The following MRE11 variants were observed in gnomAD, a reference collection of about 807,000 sequenced individuals.
MRE11 encodes double-strand break repair protein MRE11.
A neutral mutation model predicts 91.7 loss-of-function variants in MRE11; 62 were observed. The observed-to-expected ratio is 0.68, with a 90% confidence interval of 0.55 to 0.84. The LOEUF (loss-of-function observed/expected upper bound fraction) is 0.84. MRE11 is among the 40% of genes least tolerant of loss of function. The pLI is 0.00. For synonymous variants in MRE11, 273 were observed against 271.4 expected, an observed-to-expected ratio of 1.01 and a Z score of -0.06; for missense variants, 796 against 852.9, an observed-to-expected ratio of 0.93 and a Z score of 0.83.
intron 18 of MRE11, 64 bp downstream of exon 18, chr11:94,435,768 T>C (rs1260676151): frequency 2.9e-6 from 4 of 1,380,568 alleles, no homozygotes; most frequent in African/African-American, 2.9e-5. Context: ...TGTGTAACTT[T>C]GGAATTCTGG....
At chr11:94,489,504 A>G (rs757037552) in intron 3 of MRE11, among the ~76,000 whole-genome samples, 1 of 152,196 alleles carries the variant, frequency 6.6e-6, no homozygotes, top group Non-Finnish European at 1.5e-5. Context: ...TTTGGCTGCT[A>G]TGCTGAGTAG....
At chr11:94,475,610 A>C (rs1318687208) in intron 7 of MRE11, 1 of 455,834 alleles carries the variant, frequency 2.2e-6, no homozygotes, top group Non-Finnish European at 4.4e-6. Flanking sequence ...TTTTCAATCA[A>C]TCCTATACCC....
chr11:94,502,649 CTAAA>C, the MRE11 span, among the ~76,000 whole-genome samples: 1 of 152,002 alleles, frequency 6.6e-6, no homozygotes, highest in Non-Finnish European at 1.5e-5. Context: ...TAGGCTATAA[CTAAA>C]TTTATTTATT....
chr11:94,491,069 T>C, intron 2 of MRE11, 104 bp from the exon 3 acceptor site: 8 of 765,554 alleles, frequency 1.0e-5, no homozygotes. Flanking sequence ...AGTTATAGAG[T>C]AAAATCATTT....
intron 1 of MRE11, among the ~76,000 whole-genome samples, chr11:94,493,244 T>C (rs574466509): frequency 1.2e-3 from 181 of 152,302 alleles, no homozygotes; most frequent in African/African-American, 1.4e-3. Flanking sequence ...GATGTGCAGA[T>C]ATTTTTAAGT....
At chr11:94,453,098 GT>G (rs911132920) in intron 14 of MRE11, among the ~76,000 whole-genome samples, 7 of 149,660 alleles carry the variant, frequency 4.7e-5, no homozygotes, top group African/African-American at 9.8e-5. Context: ...TTTTGCAACT[GT>G]TTTTTTTTCA....
At chr11:94,434,322 T>C (rs1211713305) in intron 18 of MRE11, among the ~76,000 whole-genome samples, 1 of 152,158 alleles carries the variant, frequency 6.6e-6, no homozygotes, top group East Asian at 1.9e-4. Flanking sequence ...GTCAGTATCA[T>C]AAAGAACAAA....
chr11:94,496,974 G>C, upstream of MRE11: 1 of 1,611,434 alleles, frequency 6.2e-7, no homozygotes, highest in Admixed American at 1.7e-5. Context: ...ATTACAGAGG[G>C]AAGTGTGACA....
rs777697338 is a variant in MRE11, at chr11:94,417,764, T to C, written c.*2361A>G. 8.6e-6 allele frequency: 2 copies of C among 233,002 alleles called. No homozygotes were observed. The highest frequency in any genetic ancestry group is 1.7e-5 in the Non-Finnish European group (2 of 117,972). 14.4% of individuals were successfully genotyped at this position (233,002 alleles called of 1,614,324 possible). ...ACTTTTCTGTATTTATTGTATTTCCTACTTTTAAAAGTTTGGGAAAAAAGT... is the reference window on the plus strand; with the variant it reads ...ACTTTTCTGTATTTATTGTATTTCCCACTTTTAAAAGTTTGGGAAAAAAGT... On this transcript the variant is annotated 3_prime_UTR_variant, in exon 20 of 20. Transcript: ENST00000323929.
chr11:94,468,176 C>G (rs1014214732), intron 9 of MRE11, among the ~76,000 whole-genome samples: 1 of 152,170 alleles, frequency 6.6e-6, no homozygotes. Context: ...AGGCTTTCCT[C>G]AGCTTACCAA....
intron 14 of MRE11, among the ~76,000 whole-genome samples, chr11:94,452,225 A>T (rs1328642158): frequency 6.6e-6 from 1 of 151,566 alleles, no homozygotes; most frequent in Non-Finnish European, 1.5e-5. Flanking sequence ...GAGAAAGACC[A>T]ATACCCTACT....
rs1479023184 is a variant in MRE11, at chr11:94,476,428, T to C, written c.545-25A>G. Reference sequence around the variant, plus strand: ...CCTGAAATGGACATTACATTATTTTTAAATTGTTTTCTTACTTCGGCTTAA... The same window carrying C: ...CCTGAAATGGACATTACATTATTTTCAAATTGTTTTCTTACTTCGGCTTAA... On this transcript the variant is annotated intron_variant, in intron 6 of 19. Coordinates refer to ENST00000323929, the MANE Select transcript of MRE11 (RefSeq NM_005591.4). 2.7e-6 allele frequency: 4 copies of C among 1,469,084 alleles called. No individual in the cohort carries two copies. The East Asian group carries it at 6.8e-5, about 25-fold the overall frequency. 91.0% of individuals were successfully genotyped at this position (1,469,084 alleles called of 1,614,324 possible).
In MRE11 at chr11:94,479,281, T is replaced by C. The variant is rs114003315; in HGVS notation, c.402+393A>G. On this transcript the variant is annotated intron_variant, in intron 5 of 19. Transcript: ENST00000323929. The stretch of plus-strand genomic sequence containing the variant: ...ATACTTGTAGGATCTCTAGTCTTAC[T>C]TCCATATCAAACAGGTAATAAGATA... Among the ~76,000 whole-genome samples the C allele has an allele frequency of 3.0e-3, 462 of 152,320 alleles. 2 individuals are homozygous for C. The highest frequency in any genetic ancestry group is 0.011 in the African/African-American group (442 of 41,570).
intron 9 of MRE11, 80 bp from the exon 10 acceptor site, chr11:94,467,973 A>G: frequency 9.3e-7 from 1 of 1,079,014 alleles, no homozygotes; most frequent in Non-Finnish European, 1.4e-6. Context: ...TTACCACAGG[A>G]ATTTTCCTGA....
intron 12 of MRE11, among the ~76,000 whole-genome samples, 197 bp from the exon 13 acceptor site, chr11:94,459,778 TGTAGAGGCCTG>T (rs1591673109): frequency 6.6e-6 from 1 of 151,852 alleles, no homozygotes; most frequent in African/African-American, 2.4e-5. Flanking sequence ...ACACGTGAAA[TGTAGAGGCCTG>T]ATGGCTAGGA....
Position 94,492,790 on chromosome 11 carries a change from T to C in MRE11, c.12A>G (p.Ala4=), listed in dbSNP as rs1305476956. ...AGAAGTCAGGTGCTTACAGTGCATC[T>C]GCAGTACTCATTTTTATGGTCAGTC... MST[A]DALDDENTFK... The change falls in exon 2 of 20, where the codon GCA becomes GCG. Residue 4 remains alanine (A), a synonymous_variant. Transcript: ENST00000323929. The C allele has an allele frequency of 6.2e-7, 1 of 1,614,004 alleles. No homozygotes were observed. The highest frequency in any genetic ancestry group is 1.1e-5 in the South Asian group (1 of 91,072).
intron 14 of MRE11, among the ~76,000 whole-genome samples, chr11:94,453,563 T>C (rs1946170772): frequency 6.6e-6 from 1 of 152,232 alleles, no homozygotes; most frequent in Non-Finnish European, 1.5e-5. Context: ...ATTTCTCTAA[T>C]GTCTGGTGAT....
intron 12 of MRE11, 125 bp from the exon 13 acceptor site, chr11:94,459,706 C>G: frequency 9.7e-7 from 1 of 1,032,504 alleles, no homozygotes; most frequent in Non-Finnish European, 1.4e-6. Flanking sequence ...TGTAGTTAAG[C>G]CTACTAATAT....
At chr11:94,508,453 C>G in the MRE11 span, among the ~76,000 whole-genome samples, 1 of 152,106 alleles carries the variant, frequency 6.6e-6, no homozygotes, top group African/African-American at 2.4e-5. Flanking sequence ...ATTTGACATG[C>G]GGTAGGAGTC....
Sources: allele counts gnomAD v4.1 joint callset (sites outside exome capture counted in the v4.1 genomes callset), GRCh38; gene constraint gnomAD v4.1.1; transcripts MANE v1.5; gene names NCBI Gene and HGNC (gene_info 2026-07-23, HGNC 2026-07-21).